The following HSD11B2 variants were observed in gnomAD, a reference collection of about 807,000 sequenced individuals.
The protein encoded by HSD11B2 is hydroxysteroid 11-beta dehydrogenase 2, also known as 11-beta-hydroxysteroid dehydrogenase type 2.
A neutral mutation model predicts 20.9 loss-of-function variants in HSD11B2; 17 were observed. The ratio of observed to expected loss-of-function variants is 0.81; its 90% CI spans 0.56 to 1.22. HSD11B2 has a LOEUF of 1.22. HSD11B2 is among the 50% of genes most tolerant of loss of function. HSD11B2 has a pLI of 0.00. For missense variants in HSD11B2, 480 were observed against 563.6 expected (o/e 0.85, Z 1.50); for synonymous variants, 253 against 255.4 (o/e 0.99, Z 0.09).
At chr16:67,432,367 C>G (rs976099031) in intron 1 of HSD11B2, among the ~76,000 whole-genome samples, 1 of 152,160 alleles carries the variant, frequency 6.6e-6, no homozygotes, top group African/African-American at 2.4e-5. Context: ...CGCCAATACC[C>G]ACGGCTTTGG....
intron 2 of HSD11B2, 43 bp downstream of exon 2, chr16:67,435,883 T>G (rs745709774): frequency 9.9e-6 from 16 of 1,612,224 alleles, no homozygotes; most frequent in Non-Finnish European, 1.2e-5. Context: ...GGCAGGGGAG[T>G]GGGAAGGACA....
upstream of HSD11B2, among the ~76,000 whole-genome samples, chr16:67,430,443 G>A (rs180827976): frequency 1.4e-4 from 22 of 152,314 alleles, no homozygotes; most frequent in Non-Finnish European, 8.8e-5. The surrounding 1 kb of genome is among the most constrained non-coding windows in gnomAD (Gnocchi z 5.4). Context: ...CCAGGTTTAA[G>A]CCCTGGAAGG....
chr16:67,431,407 C>T lies in HSD11B2; in HGVS notation c.159C>T (p.Pro53=). The T allele has an allele frequency of 3.1e-6, 4 of 1,278,756 alleles. No homozygotes were observed. The highest frequency in any genetic ancestry group is 3.9e-6 in the Non-Finnish European group (4 of 1,015,176). 79.2% of individuals were successfully genotyped at this position (1,278,756 alleles called of 1,614,324 possible). Residue 53 remains proline (P), a synonymous_variant, in exon 1 of 5, where the codon CCC becomes CCT. Transcript: ENST00000326152. ...ALDWLCQRLL[P]PPAALAVLAA... ...ACTGGCTGTGCCAGCGCCTGCTGCCCCCGCCGGCCGCACTCGCCGTGCTGG... is the reference window on the plus strand; with the variant it reads ...ACTGGCTGTGCCAGCGCCTGCTGCCTCCGCCGGCCGCACTCGCCGTGCTGG...
chr16:67,435,898 G>A, intron 2 of HSD11B2, 58 bp downstream of exon 2: 1 of 1,613,594 alleles, frequency 6.2e-7, no homozygotes, highest in Non-Finnish European at 8.5e-7. Flanking sequence ...AGGACACGGG[G>A]ACTGGAAGTT....
At chr16:67,429,906 A>T (rs748910222), upstream of HSD11B2, among the ~76,000 whole-genome samples, 17 of 152,162 alleles carry the variant, frequency 1.1e-4, no homozygotes, top group Admixed American at 2.0e-4. Flanking sequence ...AGAGAGAATG[A>T]GCAACAGGGC....
chr16:67,434,260 T>C (rs1482690545), intron 1 of HSD11B2, among the ~76,000 whole-genome samples: 1 of 152,132 alleles, frequency 6.6e-6, no homozygotes, highest in African/African-American at 2.4e-5. Flanking sequence ...AAAACACCCC[T>C]GTTGCCACTG....
chr16:67,431,469 G>T lies in HSD11B2; in HGVS notation c.221G>T (p.Arg74Leu), dbSNP rs1168255303. 7.2e-7 allele frequency: 1 copy of T among 1,391,496 alleles called. No homozygotes were observed. Among genetic ancestry groups the T allele is most frequent in the Admixed American group, 2.7e-5 (1 of 36,790 alleles). The allele number at this position is 1,391,496 out of a possible 1,614,324, so 86.2% of individuals were successfully genotyped here. A position where few individuals can be genotyped will look rare whatever the true frequency, so the allele number is the denominator to read the frequency against. Residue 74 changes from arginine (R) to leucine (L), a missense_variant, in exon 1 of 5, where the codon CGC becomes CTC. By Grantham distance (102) the Arg-to-Leu change is moderately radical. This residue lies in a region of HSD11B2 where 374 missense variants were observed against 480.9 expected (regional missense o/e 0.78). Transcript: ENST00000326152. ...AGWIALSRLA[R>L]PQRLPVATRA... ...TGGATCGCGTTGTCCCGCCTGGCGC[G>T]CCCGCAGCGCCTGCCGGTGGCCACT...
chr16:67,437,043 G>A lies in HSD11B2; in HGVS notation c.*40G>A, dbSNP rs72650126. On this transcript the variant is annotated 3_prime_UTR_variant, in exon 5 of 5. Transcript: ENST00000326152. The stretch of plus-strand genomic sequence containing the variant: ...TGGCCCAGCCACTGCAGCACAGGAG[G>A]CTCCGTGAGCCCTTGGTTCCTCCCC... The A allele has an allele frequency of 2.0e-4, 324 of 1,591,216 alleles. No homozygotes were observed. The highest frequency in any genetic ancestry group is 2.5e-4 in the Non-Finnish European group (291 of 1,171,398).
chr16:67,434,302 G>A (rs375341160), intron 1 of HSD11B2, among the ~76,000 whole-genome samples: 1 of 152,310 alleles, frequency 6.6e-6, no homozygotes, highest in South Asian at 2.1e-4. Flanking sequence ...GTGAAGTGGG[G>A]ATGGGCCTCC....
chr16:67,436,867 G>T lies in HSD11B2; in HGVS notation c.1082G>T (p.Arg361Leu). Residue 361 changes from arginine to leucine, a missense_variant, in exon 5 of 5, where the codon CGC becomes CTC. By Grantham distance (102) the Arg-to-Leu change is moderately radical (BLOSUM62 -2). Coordinates refer to ENST00000326152, the MANE Select transcript of HSD11B2 (RefSeq NM_000196.4). This position sits in a 1 kb window ranked among gnomAD's most constrained non-coding sequence, Gnocchi z 5.7. ...HYYLPEGLRRRFLQAFFISHC... is the reference protein window; with the variant it reads ...HYYLPEGLRRLFLQAFFISHC... ...TACCTGCCTGAAGGCCTGCGGCGCC[G>T]CTTCCTGCAGGCCTTCTTCATCAGT... 6.2e-7 allele frequency: 1 copy of T among 1,613,442 alleles called. No homozygotes were observed. Among genetic ancestry groups the T allele is most frequent in the Non-Finnish European group, 8.5e-7 (1 of 1,180,010 alleles).
Position 67,435,685 on chromosome 16 carries a change from C to T in HSD11B2, c.323C>T (p.Thr108Met), listed in dbSNP as rs1272490770. 6 of 1,613,742 alleles carry T rather than the reference C, an allele frequency of 3.7e-6. No individual in the cohort carries two copies. The African/African-American group carries it at 4.0e-5, about 11-fold the overall frequency. ...AAGAAACTGGACTCCATGGGCTTCACGGTGCTGGCCACCGTATTGGAGTTG... is the reference window on the plus strand; with the variant it reads ...AAGAAACTGGACTCCATGGGCTTCATGGTGCTGGCCACCGTATTGGAGTTG... ...TAKKLDSMGFTVLATVLELNS... is the reference protein window; with the variant it reads ...TAKKLDSMGFMVLATVLELNS... The change falls in exon 2 of 5, where the codon ACG becomes ATG. Residue 108 changes from threonine (T) to methionine (M), a missense_variant. Thr to Met is a moderately conservative substitution (Grantham distance 81). This residue lies in a region of HSD11B2 where 374 missense variants were observed against 480.9 expected (regional missense o/e 0.78). Coordinates refer to ENST00000326152, the MANE Select transcript of HSD11B2 (RefSeq NM_000196.4).
chr16:67,434,236 C>T (rs971926370), intron 1 of HSD11B2, among the ~76,000 whole-genome samples: 2 of 152,160 alleles, frequency 1.3e-5, no homozygotes, highest in Non-Finnish European at 2.9e-5. Flanking sequence ...GGAGGCAAGT[C>T]GTCTGGGGCT....
Position 67,436,204 on chromosome 16 carries a change from GCC to G in HSD11B2, c.665-42_665-41del. 6.2e-7 allele frequency: 1 copy of G among 1,613,796 alleles called. No homozygotes were observed. The highest frequency in any genetic ancestry group is 8.5e-7 in the Non-Finnish European group (1 of 1,179,928). On this transcript the variant is annotated intron_variant, in intron 3 of 4. Coordinates refer to ENST00000326152, the MANE Select transcript of HSD11B2 (RefSeq NM_000196.4). This position sits in a 1 kb window ranked among gnomAD's most constrained non-coding sequence, Gnocchi z 5.7. Reference sequence around the variant, plus strand: ...CCTGGGGTGGGGGAGGGCTTAGGGAGCCCCTTGCCAAAGCTGAGCTGCCCCAC... The same window carrying G: ...CCTGGGGTGGGGGAGGGCTTAGGGAGCCTTGCCAAAGCTGAGCTGCCCCAC...
Position 67,436,659 on chromosome 16 carries a change from C to T in HSD11B2, c.874C>T (p.Leu292=). 1 of 1,614,206 alleles carries T rather than the reference C, an allele frequency of 6.2e-7. No individual in the cohort carries two copies. The highest frequency in any genetic ancestry group is 1.1e-5 in the South Asian group (1 of 91,092). The part of the protein sequence containing the change: ...LLLANLPQEL[L]QAYGKDYIEH... ...GCTGGCCAACCTGCCTCAAGAGCTG[C>T]TGCAGGCCTACGGCAAGGACTACAT... Residue 292 remains leucine (L), a synonymous_variant, in exon 5 of 5, where the codon CTG becomes TTG. Transcript: ENST00000326152. The surrounding 1 kb of genome is among the most constrained non-coding windows in gnomAD (Gnocchi z 5.7).
At position 67,436,333 on chromosome 16, in the gene HSD11B2, T is replaced by C. The variant is rs760799840; in HGVS notation, c.749T>C (p.Leu250Pro). Residue 250 changes from leucine (L) to proline (P), a missense_variant, in exon 4 of 5, where the codon CTC becomes CCC. Around this residue, in one of 2 missense-constraint regions of HSD11B2, gnomAD observed 374 missense variants for 480.9 expected, o/e 0.78. Transcript: ENST00000326152. This position sits in a 1 kb window ranked among gnomAD's most constrained non-coding sequence, Gnocchi z 5.7. ...ALLMDTFSCE[L>P]LPWGVKVSII... ...CTCATGGACACATTCAGCTGTGAAC[T>C]CCTTCCCTGGGGGGTCAAGGTCAGC... is the stretch of plus-strand genomic sequence containing the variant. 6.4e-7 allele frequency: 1 copy of C among 1,567,728 alleles called. No individual in the cohort carries two copies. The highest frequency in any genetic ancestry group is 8.6e-7 in the Non-Finnish European group (1 of 1,156,238).
chr16:67,433,531 G>A (rs945940565), intron 1 of HSD11B2, among the ~76,000 whole-genome samples: 4 of 152,102 alleles, frequency 2.6e-5, no homozygotes, highest in Admixed American at 2.0e-4. Flanking sequence ...GGGTGTGCAC[G>A]TGAGCAAGAG....
rs749262459 is a variant in HSD11B2 at position 67,435,681 on chromosome 16, T to A, written c.319T>A (p.Phe107Ile). 1.9e-6 allele frequency: 3 copies of A among 1,613,760 alleles called. No individual in the cohort carries two copies. Among genetic ancestry groups the A allele is most frequent in the East Asian group, 4.5e-5 (2 of 44,890 alleles). The change falls in exon 2 of 5, where the codon TTC (phenylalanine) becomes ATC (isoleucine). Residue 107 changes from phenylalanine (F) to isoleucine (I), a missense_variant. Phe to Ile is a conservative substitution (Grantham distance 21). Transcript: ENST00000326152. ...ETAKKLDSMG[F>I]TVLATVLELN... ...GGCCAAGAAACTGGACTCCATGGGC[T>A]TCACGGTGCTGGCCACCGTATTGGA... is the stretch of plus-strand genomic sequence containing the variant.
In HSD11B2 at chr16:67,436,035, G is replaced by A. The variant is rs918770228; in HGVS notation, c.557G>A (p.Arg186His). Residue 186 changes from arginine to histidine, a missense_variant, in exon 3 of 5, where the codon CGT becomes CAT. Arg to His is a conservative substitution (Grantham distance 29). Coordinates refer to ENST00000326152, the MANE Select transcript of HSD11B2 (RefSeq NM_000196.4). The surrounding 1 kb of genome is among the most constrained non-coding windows in gnomAD (Gnocchi z 5.7). Reference sequence around the variant, plus strand: ...GAGCTGTCTCCAGTGGCCACTTTCCGTAGCTGCATGGAGGTGAATTTCTTT... The same window carrying A: ...GAGCTGTCTCCAGTGGCCACTTTCCATAGCTGCATGGAGGTGAATTTCTTT... ...DAELSPVATF[R>H]SCMEVNFFGA... The A allele has an allele frequency of 5.0e-6, 8 of 1,614,112 alleles. No individual in the cohort carries two copies. The highest frequency in any genetic ancestry group is 6.8e-6 in the Non-Finnish European group (8 of 1,180,054).
chr16:67,436,486 G>A lies in HSD11B2; in HGVS notation c.802+100G>A. ...TTGATGAATGGTCATGGTTTTGGTT[G>A]GGGGTGTAGTTTTGGCTGCAGACCT... On this transcript the variant is annotated intron_variant, in intron 4 of 4. Coordinates refer to ENST00000326152, the MANE Select transcript of HSD11B2 (RefSeq NM_000196.4). This position sits in a 1 kb window ranked among gnomAD's most constrained non-coding sequence, Gnocchi z 5.7. 1.3e-6 allele frequency: 2 copies of A among 1,543,658 alleles called. No individual in the cohort carries two copies. Among genetic ancestry groups the A allele is most frequent in the South Asian group, 2.3e-5 (2 of 85,596 alleles).
Sources: gnomAD v4.1 joint callset for allele counts (sites outside exome capture counted in the v4.1 genomes callset) on GRCh38, gnomAD v4.1.1 for gene constraint, gnomAD v4.1.1 regional missense constraint, Gnocchi (gnomAD v3.1) non-coding constraint, MANE v1.5 for transcripts, NCBI Gene and HGNC (gene_info 2026-07-23, HGNC 2026-07-21) for gene names.